The following PRKN variants were observed in gnomAD, a reference collection of about 807,000 sequenced individuals.
The protein encoded by PRKN is E3 ubiquitin-protein ligase parkin.
Under a neutral mutation model 59.5 loss-of-function variants are expected in PRKN, and 56 were observed. That is an observed-to-expected ratio of 0.94 (90% CI 0.76 to 1.18). PRKN has a LOEUF of 1.18. Ranked by LOEUF, PRKN falls within the 50% of genes most tolerant of loss-of-function variation. PRKN has a pLI of 0.00. For missense variants in PRKN, 657 were observed against 596.4 expected (o/e 1.10, Z -1.06); for synonymous variants, 250 against 222.1 (o/e 1.13, Z -1.12).
At chr6:161,907,775 A>T (rs547985361) in intron 6 of PRKN, among the ~76,000 whole-genome samples, 2 of 152,308 alleles carry the variant, frequency 1.3e-5, no homozygotes, top group Admixed American at 1.3e-4. Context: ...GGCTGCAATT[A>T]TTAGAACATA....
rs146599326 is a variant in PRKN at position 161,548,876 on chromosome 6, C to T, written c.1061G>A (p.Gly354Glu). The change falls in exon 9 of 12, where the codon GGG (glycine) becomes GAG (glutamate). Residue 354 changes from glycine (G) to glutamate (E), a missense_variant. Gly to Glu is a moderately conservative substitution (Grantham distance 98, BLOSUM62 -2). Coordinates refer to ENST00000366898, the MANE Select transcript of PRKN (RefSeq NM_004562.3). The surrounding 1 kb of genome is among the most constrained non-coding windows in gnomAD (Gnocchi z 4.2). The stretch of plus-strand genomic sequence containing the variant: ...CACCCCACAGCCCAGGCCATTGCCC[C>T]CTTCGCAGGTGACTTTCCTCTGGTC... ...EPDQRKVTCE[G>E]GNGLGCGFAF... The T allele has an allele frequency of 5.6e-6, 9 of 1,614,068 alleles. No homozygotes were observed. Among genetic ancestry groups the T allele is most frequent in the African/African-American group, 2.7e-5 (2 of 74,922 alleles).
intron 5 of PRKN, among the ~76,000 whole-genome samples, chr6:162,010,120 T>A (rs981262004): frequency 3.4e-4 from 50 of 149,248 alleles, no homozygotes; most frequent in Admixed American, 3.4e-4. Context: ...TTGCCTTTGC[T>A]GCAGATGTCA....
At chr6:162,064,338 G>A (rs761595681) in intron 4 of PRKN, among the ~76,000 whole-genome samples, 16 of 152,200 alleles carry the variant, frequency 1.1e-4, no homozygotes, top group Middle Eastern at 3.2e-3. Context: ...AGTTACATGA[G>A]TGTATGTAAC....
At chr6:162,119,201 G>C (rs1271990108) in intron 4 of PRKN, among the ~76,000 whole-genome samples, 1 of 152,146 alleles carries the variant, frequency 6.6e-6, no homozygotes, top group Non-Finnish European at 1.5e-5. Flanking sequence ...TTAGTTATGA[G>C]AAAATATGAC....
At chr6:162,039,111 G>A (rs946472146) in intron 5 of PRKN, among the ~76,000 whole-genome samples, 9 of 151,400 alleles carry the variant, frequency 5.9e-5, no homozygotes, top group Admixed American at 6.6e-5. Context: ...AGCAGAGATC[G>A]CGCCACTGCA....
chr6:162,240,576 T>C (rs998343593), intron 3 of PRKN, among the ~76,000 whole-genome samples: 10 of 152,300 alleles, frequency 6.6e-5, no homozygotes, highest in Middle Eastern at 6.8e-3. Flanking sequence ...TATAGAAATA[T>C]TAATTGTAGG....
At chr6:162,648,539 A>G (rs1778290007) in intron 1 of PRKN, among the ~76,000 whole-genome samples, 1 of 151,886 alleles carries the variant, frequency 6.6e-6, no homozygotes, top group Non-Finnish European at 1.5e-5. Flanking sequence ...GTGCCACCAC[A>G]CCTGGCTAAT....
intron 7 of PRKN, among the ~76,000 whole-genome samples, chr6:161,601,264 A>C (rs1782094488): frequency 6.6e-6 from 1 of 152,150 alleles, no homozygotes; most frequent in Admixed American, 6.5e-5. Flanking sequence ...GGGAAGTCCA[A>C]GATCAAGGTG....
chr6:161,872,139 A>C (rs1053393717), intron 6 of PRKN, among the ~76,000 whole-genome samples: 12 of 152,146 alleles, frequency 7.9e-5, no homozygotes, highest in African/African-American at 2.4e-4. Flanking sequence ...AACAAGTGCG[A>C]TAAGATGCTA....
intron 1 of PRKN, among the ~76,000 whole-genome samples, chr6:162,612,349 A>C (rs1228753100): frequency 6.6e-6 from 1 of 152,062 alleles, no homozygotes; most frequent in Admixed American, 6.6e-5. Context: ...CCTAGGATGG[A>C]ATGTTGAGGT....
At chr6:161,523,705 G>A (rs752351446) in intron 9 of PRKN, among the ~76,000 whole-genome samples, 7 of 152,204 alleles carry the variant, frequency 4.6e-5, no homozygotes, top group Non-Finnish European at 4.4e-5. Flanking sequence ...TGTGTTTGAT[G>A]AGGTGACATT....
intron 1 of PRKN, among the ~76,000 whole-genome samples, chr6:162,725,056 G>A (rs919632856): frequency 3.9e-5 from 6 of 152,224 alleles, no homozygotes; most frequent in African/African-American, 1.2e-4. Flanking sequence ...CGTTTGTGAA[G>A]TGTGTATAAA....
At position 161,457,967 on chromosome 6, in the gene PRKN, ACACAAGCTGAACTGT is replaced by A. The variant is rs1337248892; in HGVS notation, c.1084-71105_1084-71091del. ...TTCAAGGGTTGTGGGCTTTTATGGG[ACACAAGCTGAACTGT>A]CATGCAGACAATGACCGCCTTCTGA... On this transcript the variant is annotated intron_variant, in intron 9 of 11. Coordinates refer to ENST00000366898, the MANE Select transcript of PRKN (RefSeq NM_004562.3). The surrounding 1 kb of genome is among the most constrained non-coding windows in gnomAD (Gnocchi z 5.0). 6.6e-6 allele frequency among the ~76,000 whole-genome samples: 1 copy of A among 152,204 alleles called. No individual in the cohort carries two copies. The highest frequency in any genetic ancestry group is 2.4e-5 in the African/African-American group (1 of 41,456).
At chr6:162,200,534 T>G (rs1784682514) in intron 4 of PRKN, among the ~76,000 whole-genome samples, 1 of 152,246 alleles carries the variant, frequency 6.6e-6, no homozygotes, top group Middle Eastern at 3.4e-3. Flanking sequence ...ATCTTTTGAT[T>G]TTTCCCAACC....
At chr6:162,525,579 C>T (rs1055906953) in intron 1 of PRKN, among the ~76,000 whole-genome samples, 1 of 152,194 alleles carries the variant, frequency 6.6e-6, no homozygotes, top group Non-Finnish European at 1.5e-5. Flanking sequence ...TACATTTCTC[C>T]TTAGCACTTA....
chr6:161,953,228 C>T (rs1216885154), intron 6 of PRKN, among the ~76,000 whole-genome samples: 1 of 152,120 alleles, frequency 6.6e-6, no homozygotes, highest in African/African-American at 2.4e-5. Context: ...TTTCCTGCCT[C>T]GGCCTGCCAA....
chr6:161,701,490 C>A (rs1456073290), intron 7 of PRKN, among the ~76,000 whole-genome samples: 1 of 152,140 alleles, frequency 6.6e-6, no homozygotes, highest in African/African-American at 2.4e-5. Flanking sequence ...ACAACCAATT[C>A]ATATAAATTT....
rs1432811743 is a variant in PRKN at position 161,471,701 on chromosome 6, G to A, written c.1083+77153C>T. ...GGTAATCTAACAAGATTACAGAACC[G>A]ACTTTTAGAGAAGAGTTTAAATCCC... On this transcript the variant is annotated intron_variant, in intron 9 of 11. Transcript: ENST00000366898. This position sits in a 1 kb window ranked among gnomAD's most constrained non-coding sequence, Gnocchi z 4.5. Among the ~76,000 whole-genome samples the A allele has an allele frequency of 3.9e-5, 6 of 152,086 alleles. No homozygotes were observed. The South Asian group carries it at 6.2e-4, about 16-fold the overall frequency.
Position 161,747,492 on chromosome 6 carries a change from A to G in PRKN, c.871+38280T>C, listed in dbSNP as rs147596164. On this transcript the variant is annotated intron_variant, in intron 7 of 11. Transcript: ENST00000366898. ...GATGAAGGAAATGTATTGACTTCAG[A>G]GTTGACTCATGAACTGTCATAGTAT... Among the ~76,000 whole-genome samples the G allele has an allele frequency of 2.0e-5, 3 of 152,290 alleles. No individual in the cohort carries two copies. In the East Asian group the frequency reaches 5.8e-4, roughly 29 times the overall value.
Sources: gnomAD v4.1 joint callset for allele counts (sites outside exome capture counted in the v4.1 genomes callset) on GRCh38, gnomAD v4.1.1 for gene constraint, Gnocchi (gnomAD v3.1) non-coding constraint, MANE v1.5 for transcripts, NCBI Gene and HGNC (gene_info 2026-07-23, HGNC 2026-07-21) for gene names.